The following MEGF11 variants were observed in gnomAD, a reference collection of about 807,000 sequenced individuals.
MEGF11 encodes multiple EGF like domains 11.
MEGF11 carries 126 observed loss-of-function variants against 146.6 expected under a neutral mutation model. The ratio of observed to expected loss-of-function variants is 0.86; its 90% CI spans 0.74 to 1.00. The LOEUF (loss-of-function observed/expected upper bound fraction) is 1.00. Ranked by LOEUF, MEGF11 falls within the 50% of genes least tolerant of loss-of-function variation. MEGF11 has a pLI of 0.00. For missense variants in MEGF11, 1,509 were observed against 1,521.2 expected (o/e 0.99, Z 0.13); for synonymous variants, 532 against 583.4 (o/e 0.91, Z 1.27).
At chr15:66,061,013 G>T (rs1365674433) in intron 5 of MEGF11, among the ~76,000 whole-genome samples, 1 of 152,230 alleles carries the variant, frequency 6.6e-6, no homozygotes, top group East Asian at 1.9e-4. Context: ...GAGGGGCAGG[G>T]ATTCCCCAGC....
At chr15:66,111,281 T>C (rs1205275140) in intron 4 of MEGF11, among the ~76,000 whole-genome samples, 2 of 152,214 alleles carry the variant, frequency 1.3e-5, no homozygotes, top group Non-Finnish European at 2.9e-5. Flanking sequence ...AAGAAGGCAT[T>C]GAATTAAATG....
chr15:66,220,255 G>A (rs1455436102), intron 1 of MEGF11, among the ~76,000 whole-genome samples: 1 of 147,522 alleles, frequency 6.8e-6, no homozygotes, highest in East Asian at 2.0e-4. Flanking sequence ...CCCACCCCCC[G>A]CCATGTGGTA....
At chr15:66,248,039 G>T (rs969618312) in intron 1 of MEGF11, among the ~76,000 whole-genome samples, 2 of 151,744 alleles carry the variant, frequency 1.3e-5, no homozygotes, top group Non-Finnish European at 2.9e-5. Context: ...TCTCTTGCCT[G>T]TGGTGGTTGA....
rs371889677 is a variant in MEGF11 at position 66,199,213 on chromosome 15, A to G, written c.-9+54392T>C. Among the ~76,000 whole-genome samples the G allele has an allele frequency of 7.9e-5, 12 of 152,316 alleles. 1 individual carries two copies. The East Asian group carries it at 1.7e-3, about 22-fold the overall frequency. The stretch of plus-strand genomic sequence containing the variant: ...TTTATTAATTATTTAGTGTTCATTG[A>G]TAAGTAGTACATATATACTTCATTC... On this transcript the variant is annotated intron_variant, in intron 1 of 25. Transcript: ENST00000395614.
chr15:66,066,344 A>G (rs1426724764), intron 5 of MEGF11, among the ~76,000 whole-genome samples: 2 of 151,176 alleles, frequency 1.3e-5, no homozygotes, highest in Non-Finnish European at 2.9e-5. Flanking sequence ...CCTCCCCACC[A>G]CCTCCCCACT....
At position 65,929,721 on chromosome 15, in the gene MEGF11, G is replaced by T; in HGVS notation, c.1571C>A (p.Pro524Gln). The change falls in exon 12 of 26, where the codon CCG (proline) becomes CAG (glutamine). Residue 524 changes from proline to glutamine, a missense_variant and splice_region_variant. Coordinates refer to ENST00000395614, the MANE Select transcript of MEGF11 (RefSeq NM_001385028.1). ...GTCCCTCCCCACCCTGGCACTCACC[G>T]GGCAAGGCAGCTCACAGGTGTCTCC... ...WLGDTCELPC[P>Q]DGTFGLNCSE... 1 of 1,550,850 alleles carries T rather than the reference G, an allele frequency of 6.4e-7. No individual in the cohort carries two copies. Among genetic ancestry groups the T allele is most frequent in the Admixed American group, 2.0e-5 (1 of 50,980 alleles).
chr15:66,002,538 C>T (rs1055995580), intron 5 of MEGF11, among the ~76,000 whole-genome samples: 3 of 152,218 alleles, frequency 2.0e-5, no homozygotes, highest in African/African-American at 7.2e-5. Context: ...CACCAATGGA[C>T]CTGGGTCAAG....
intron 6 of MEGF11, among the ~76,000 whole-genome samples, chr15:65,981,989 A>C (rs1450326245): frequency 6.6e-6 from 1 of 152,204 alleles, no homozygotes; most frequent in Non-Finnish European, 1.5e-5. Context: ...CCTGGAAGGA[A>C]GGAATCTGAG....
At chr15:66,029,396 C>T (rs2083442582) in intron 5 of MEGF11, among the ~76,000 whole-genome samples, 1 of 152,204 alleles carries the variant, frequency 6.6e-6, no homozygotes, top group African/African-American at 2.4e-5. Flanking sequence ...ACTCACCTTT[C>T]CTGACCTCTA....
rs187596854 is a variant in MEGF11 at position 66,201,119 on chromosome 15, A to G, written c.-9+52486T>C. On this transcript the variant is annotated intron_variant, in intron 1 of 25. Coordinates refer to ENST00000395614, the MANE Select transcript of MEGF11 (RefSeq NM_001385028.1). ...AAAGGACCAGCCCTGGTGTGTGATG[A>G]CAGACCAAGACCAGAAGCCCTCACT... Among the ~76,000 whole-genome samples, 85 of 152,238 alleles carry G rather than the reference A, an allele frequency of 5.6e-4. 1 individual carries two copies. In the Middle Eastern group the frequency reaches 0.01, roughly 18 times the overall value.
chr15:66,053,631 C>T (rs1298181686), intron 5 of MEGF11, among the ~76,000 whole-genome samples: 1 of 151,272 alleles, frequency 6.6e-6, no homozygotes, highest in Non-Finnish European at 1.5e-5. Context: ...ATGGCCCAGA[C>T]ACTCTGGGAA....
At chr15:66,142,587 C>T (rs1029893752) in intron 1 of MEGF11, among the ~76,000 whole-genome samples, 5 of 152,314 alleles carry the variant, frequency 3.3e-5, no homozygotes, top group East Asian at 3.9e-4. Context: ...GCCAGCCTGG[C>T]GCAGCTGCCA....
chr15:65,949,911 T>C (rs549709181), intron 10 of MEGF11, among the ~76,000 whole-genome samples: 72 of 152,288 alleles, frequency 4.7e-4, no homozygotes, highest in Non-Finnish European at 6.8e-4. Context: ...AAATCAGCCT[T>C]CTTCCCCCGT....
intron 9 of MEGF11, among the ~76,000 whole-genome samples, chr15:65,960,615 G>C (rs955638634): frequency 1.3e-5 from 2 of 152,252 alleles, no homozygotes; most frequent in African/African-American, 4.8e-5. Context: ...GACCTGGCAG[G>C]TCTTGGCTGC....
chr15:65,969,180 T>A (rs921796308), intron 8 of MEGF11, among the ~76,000 whole-genome samples: 2 of 152,158 alleles, frequency 1.3e-5, no homozygotes, highest in African/African-American at 4.8e-5. Flanking sequence ...ACAGCACCAA[T>A]GAGCTAGGGT....
At chr15:66,183,597 C>T (rs2090613980) in intron 1 of MEGF11, among the ~76,000 whole-genome samples, 1 of 151,698 alleles carries the variant, frequency 6.6e-6, no homozygotes, top group African/African-American at 2.4e-5. Context: ...CAAACAAAAG[C>T]TGTTCATGAC....
At chr15:66,213,828 C>G (rs1221631162) in intron 1 of MEGF11, among the ~76,000 whole-genome samples, 1 of 152,144 alleles carries the variant, frequency 6.6e-6, no homozygotes, top group African/African-American at 2.4e-5. Flanking sequence ...TCAGCAAGCT[C>G]TCTCCACCCT....
At chr15:66,114,324 A>G (rs1480642828) in intron 4 of MEGF11, among the ~76,000 whole-genome samples, 2 of 152,170 alleles carry the variant, frequency 1.3e-5, no homozygotes, top group East Asian at 3.9e-4. Context: ...CCATCAGCCT[A>G]GGACCTGGGG....
chr15:65,922,462 A>AGG lies in MEGF11; in HGVS notation c.1831_1832dup (p.Gly612LeufsTer189), dbSNP rs775071380. On this transcript the variant is annotated frameshift_variant, in exon 15 of 26. Coordinates refer to ENST00000395614, the MANE Select transcript of MEGF11 (RefSeq NM_001385028.1). LOFTEE classifies it high-confidence loss of function. Reference sequence around the variant, plus strand: ...GGGCGCAGCCGTGGCCATAGAACCCAGGGGGGCAGACTGAGGGTGAAGGGA... The same window carrying AGG: ...GGGCGCAGCCGTGGCCATAGAACCCAGGGGGGGGCAGACTGAGGGTGAAGGGA... 1 of 1,573,944 alleles carries AGG rather than the reference A, an allele frequency of 6.4e-7. No individual in the cohort carries two copies. The highest frequency in any genetic ancestry group is 8.6e-7 in the Non-Finnish European group (1 of 1,160,144).
Sources: gnomAD v4.1 joint callset for allele counts (sites outside exome capture counted in the v4.1 genomes callset) on GRCh38, gnomAD v4.1.1 for gene constraint, MANE v1.5 for transcripts, NCBI Gene and HGNC (gene_info 2026-07-23, HGNC 2026-07-21) for gene names.